Variants in FAM120B observed in about 807,000 individuals in gnomAD.
FAM120B encodes the protein constitutive coactivator of peroxisome proliferator-activated receptor gamma.
A neutral mutation model predicts 96.3 loss-of-function variants in FAM120B; 83 were observed. That is an observed-to-expected ratio of 0.86 (90% CI 0.72 to 1.03). The LOEUF (loss-of-function observed/expected upper bound fraction) is 1.03. Ranked by LOEUF, FAM120B falls within the 50% of genes least tolerant of loss-of-function variation. The pLI is 0.00. For missense variants in FAM120B, 1,027 were observed against 1,121.2 expected (o/e 0.92, Z 1.20); for synonymous variants, 407 against 402.7 (o/e 1.01, Z -0.13).
intron 9 of FAM120B, among the ~76,000 whole-genome samples, chr6:170,402,550 G>A (rs1778642438): frequency 6.6e-6 from 1 of 152,368 alleles, no homozygotes. Flanking sequence ...GTGACCAGGA[G>A]AGCAGCTCCA....
At chr6:170,329,121 A>G (rs930564542) in intron 3 of FAM120B, among the ~76,000 whole-genome samples, 11 of 152,180 alleles carry the variant, frequency 7.2e-5, no homozygotes, top group South Asian at 2.1e-4. Flanking sequence ...GTCTTACCCT[A>G]TATCCTGATA....
chr6:170,402,053 A>C (rs1778611840), intron 9 of FAM120B, among the ~76,000 whole-genome samples: 1 of 152,196 alleles, frequency 6.6e-6, no homozygotes, highest in Non-Finnish European at 1.5e-5. Flanking sequence ...TGCGTGTCCC[A>C]CGCTTCAGTC....
chr6:170,375,164 G>C (rs1010169103), intron 6 of FAM120B, among the ~76,000 whole-genome samples: 6 of 152,212 alleles, frequency 3.9e-5, no homozygotes, highest in Non-Finnish European at 5.9e-5. Context: ...TATGAAGTAG[G>C]TCCAATCTGT....
rs1466255594 is a variant in FAM120B, at chr6:170,317,649, T to C, written c.259T>C (p.Phe87Leu). The change falls in exon 2 of 11, where the codon TTC becomes CTC. Residue 87 changes from phenylalanine to leucine, a missense_variant. Transcript: ENST00000476287. ...TACGGCAGCTGGGATCAAGTTGATA[T>C]TCTTCTTTGATGGCATGGTGGAGCA... is the stretch of plus-strand genomic sequence containing the variant. ...TFTAAGIKLI[F>L]FFDGMVEQDK... 3.1e-6 allele frequency: 5 copies of C among 1,614,078 alleles called. No homozygotes were observed. Among genetic ancestry groups the C allele is most frequent in the East Asian group, 2.2e-5 (1 of 44,894 alleles).
chr6:170,349,270 C>T (rs182641331), intron 5 of FAM120B, among the ~76,000 whole-genome samples: 2 of 152,222 alleles, frequency 1.3e-5, no homozygotes, highest in South Asian at 2.1e-4. Flanking sequence ...GCCATCGTCT[C>T]AGCTTCTCTG....
At chr6:170,351,939 A>G (rs928690428) in intron 5 of FAM120B, among the ~76,000 whole-genome samples, 8 of 152,238 alleles carry the variant, frequency 5.3e-5, no homozygotes, top group African/African-American at 1.7e-4. Context: ...ACACAGAACA[A>G]TAGTAACCCT....
intron 2 of FAM120B, among the ~76,000 whole-genome samples, chr6:170,322,471 G>A (rs1785355140): frequency 6.6e-6 from 1 of 152,152 alleles, no homozygotes; most frequent in Admixed American, 6.5e-5. Context: ...TTCTGGGTAG[G>A]GTAAGTTCTT....
At chr6:170,379,828 C>A (rs570148681) in intron 6 of FAM120B, among the ~76,000 whole-genome samples, 139 of 152,316 alleles carry the variant, frequency 9.1e-4, no homozygotes, top group Non-Finnish European at 1.4e-3. Flanking sequence ...TCCAAATTAA[C>A]CTATCCATCA....
intron 7 of FAM120B, among the ~76,000 whole-genome samples, chr6:170,389,162 G>A (rs1255465273): frequency 2.0e-5 from 3 of 152,094 alleles, no homozygotes; most frequent in Non-Finnish European, 4.4e-5. Flanking sequence ...TTGTTCAAGG[G>A]TCAGCTGTAC....
At chr6:170,351,216 C>T (rs948598657) in intron 5 of FAM120B, among the ~76,000 whole-genome samples, 1 of 152,064 alleles carries the variant, frequency 6.6e-6, no homozygotes, top group Non-Finnish European at 1.5e-5. Context: ...GACTATCTTT[C>T]TGAATTAAGA....
Position 170,404,596 on chromosome 6 carries a change from C to T in FAM120B, c.*6C>T, listed in dbSNP as rs774617121. ...ACCAGTGGAGAAGGTACTAGTCAAC[C>T]TCCAGGTAAGTTCATCACCTGCATC... On this transcript the variant is annotated 3_prime_UTR_variant, in exon 10 of 11. Coordinates refer to ENST00000476287, the MANE Select transcript of FAM120B (RefSeq NM_032448.3). The T allele has an allele frequency of 3.1e-6, 5 of 1,612,416 alleles. No homozygotes were observed. The highest frequency in any genetic ancestry group is 4.2e-6 in the Non-Finnish European group (5 of 1,178,578).
At chr6:170,396,295 C>T (rs778865422) in intron 9 of FAM120B, among the ~76,000 whole-genome samples, 27 of 152,108 alleles carry the variant, frequency 1.8e-4, no homozygotes, top group Non-Finnish European at 2.8e-4. Context: ...AGTGTGAATC[C>T]AGTTGACCTT....
intron 6 of FAM120B, among the ~76,000 whole-genome samples, chr6:170,362,719 T>A (rs2115209664): frequency 6.6e-6 from 1 of 151,628 alleles, no homozygotes; most frequent in East Asian, 1.9e-4. Context: ...TCTGGCTCTG[T>A]TGCCCAGACT....
chr6:170,327,445 C>CAGA (rs1430059063), intron 3 of FAM120B, among the ~76,000 whole-genome samples: 1 of 152,198 alleles, frequency 6.6e-6, no homozygotes, highest in Admixed American at 6.5e-5. Context: ...TATTAGTTTT[C>CAGA]AGACTGTAAA....
intron 6 of FAM120B, among the ~76,000 whole-genome samples, chr6:170,382,880 G>A (rs1217401068): frequency 6.6e-6 from 1 of 152,204 alleles, no homozygotes; most frequent in East Asian, 1.9e-4. Flanking sequence ...CAGAATCACT[G>A]TATTTGATAA....
chr6:170,312,647 G>A (rs1458100816), intron 1 of FAM120B, among the ~76,000 whole-genome samples: 3 of 152,186 alleles, frequency 2.0e-5, no homozygotes, highest in East Asian at 1.9e-4. Context: ...GGCACCCTGA[G>A]TCTAGACATC....
At chr6:170,332,986 G>A (rs1009643105) in intron 4 of FAM120B, among the ~76,000 whole-genome samples, 33 of 151,912 alleles carry the variant, frequency 2.2e-4, no homozygotes, top group Non-Finnish European at 2.6e-4. Context: ...GAAATAAAAG[G>A]AAATCACAAG....
chr6:170,315,174 C>A (rs1784825123), intron 1 of FAM120B, among the ~76,000 whole-genome samples: 1 of 152,180 alleles, frequency 6.6e-6, no homozygotes, highest in Non-Finnish European at 1.5e-5. Flanking sequence ...TGGGGCCTTC[C>A]CTCACAGCGT....
chr6:170,392,523 A>G (rs1790531953), intron 8 of FAM120B, among the ~76,000 whole-genome samples: 1 of 152,224 alleles, frequency 6.6e-6, no homozygotes, highest in South Asian at 2.1e-4. Flanking sequence ...CTGTCAGTGA[A>G]GTTAGATATC....
Sources: gnomAD v4.1 joint callset for allele counts (sites outside exome capture counted in the v4.1 genomes callset) on GRCh38, gnomAD v4.1.1 for gene constraint, MANE v1.5 for transcripts, NCBI Gene and HGNC (gene_info 2026-07-23, HGNC 2026-07-21) for gene names.